The following BTG4 variants were observed in gnomAD, a reference collection of about 807,000 sequenced individuals.
BTG4 encodes BTG anti-proliferation factor 4, also known as protein BTG4.
BTG4 carries 10 observed loss-of-function variants against 19.3 expected under a neutral mutation model. That is an observed-to-expected ratio of 0.52 (90% CI 0.32 to 0.88). The LOEUF (loss-of-function observed/expected upper bound fraction) is 0.88. Among genes scored for constraint, BTG4 ranks in the 40% least tolerant of loss-of-function variants. The pLI is 0.04. For missense variants in BTG4, 238 were observed against 281.9 expected, an observed-to-expected ratio of 0.84 and a Z score of 1.11; for synonymous variants, 91 against 95.7, an observed-to-expected ratio of 0.95 and a Z score of 0.29.
chr11:111,393,051 T>C, the BTG4 span, among the ~76,000 whole-genome samples: 10 of 152,118 alleles, frequency 6.6e-5, no homozygotes, highest in African/African-American at 2.4e-4. Flanking sequence ...GATGACAGAT[T>C]ATACCATATC....
At chr11:111,392,104 C>A in the BTG4 span, among the ~76,000 whole-genome samples, 2 of 151,074 alleles carry the variant, frequency 1.3e-5, no homozygotes, top group African/African-American at 2.4e-5. Context: ...CTATGGTTAC[C>A]TAGCTAGGCA....
chr11:111,458,486 C>T, the BTG4 span, among the ~76,000 whole-genome samples: 1 of 152,280 alleles, frequency 6.6e-6, no homozygotes, highest in African/African-American at 2.4e-5. Flanking sequence ...CTTGTTACTT[C>T]ATGGCTCATG....
chr11:111,504,363 A>G (rs1005446486), intron 1 of BTG4, among the ~76,000 whole-genome samples: 3 of 152,120 alleles, frequency 2.0e-5, no homozygotes, highest in African/African-American at 7.2e-5. Context: ...CAGCCATACA[A>G]TGTTGATTTG....
At chr11:111,399,686 T>C in the BTG4 span, among the ~76,000 whole-genome samples, 10 of 152,314 alleles carry the variant, frequency 6.6e-5, no homozygotes, top group East Asian at 7.7e-4. Context: ...ATTGATCTCC[T>C]TGTTCCCGGG....
the BTG4 span, among the ~76,000 whole-genome samples, chr11:111,412,289 A>T: frequency 6.6e-6 from 1 of 152,210 alleles, no homozygotes; most frequent in Non-Finnish European, 1.5e-5. Flanking sequence ...GACAAATTCT[A>T]TTTCATTTCA....
chr11:111,479,145 A>G (rs1476280514), intron 5 of BTG4, among the ~76,000 whole-genome samples: 2 of 152,136 alleles, frequency 1.3e-5, no homozygotes, highest in Admixed American at 1.3e-4. Context: ...CCACTAGAGG[A>G]AAAACAACTG....
upstream of BTG4, chr11:111,514,660 C>T: frequency 1.4e-6 from 1 of 734,430 alleles, no homozygotes; most frequent in Non-Finnish European, 2.2e-6. Flanking sequence ...CGGATCCCAA[C>T]ACCTACCTAG....
chr11:111,469,396 C>T (rs180774312), intron 5 of BTG4: 7 of 152,352 alleles, frequency 4.6e-5, no homozygotes, highest in Non-Finnish European at 7.3e-5. Flanking sequence ...GTGACTCAGA[C>T]CCCGTTCCCC....
At chr11:111,435,296 G>A in the BTG4 span, among the ~76,000 whole-genome samples, 1 of 152,162 alleles carries the variant, frequency 6.6e-6, no homozygotes, top group African/African-American at 2.4e-5. Flanking sequence ...CCTGGATATG[G>A]AAAGCACTCG....
chr11:111,483,927 CAATAAT>C (rs1426312693), intron 5 of BTG4, among the ~76,000 whole-genome samples: 3 of 151,896 alleles, frequency 2.0e-5, no homozygotes, highest in Non-Finnish European at 4.4e-5. Flanking sequence ...TCAAGGTATA[CAATAAT>C]GAAACCCTTA....
intron 5 of BTG4, among the ~76,000 whole-genome samples, chr11:111,481,859 T>C (rs1206201623): frequency 6.6e-6 from 1 of 151,820 alleles, no homozygotes; most frequent in African/African-American, 2.4e-5. Flanking sequence ...ATCTACAAAA[T>C]TGATGAGTAT....
chr11:111,513,346 C>G, upstream of BTG4: 1 of 523,926 alleles, frequency 1.9e-6, no homozygotes. Context: ...ATTCACCAAG[C>G]TAGCAACTCA....
the BTG4 span, among the ~76,000 whole-genome samples, chr11:111,452,842 C>T: frequency 1.3e-5 from 2 of 152,084 alleles, no homozygotes; most frequent in South Asian, 2.1e-4. Context: ...GACAGACTTT[C>T]CGGAAGAGTT....
At chr11:111,502,100 A>G (rs1157707114) in intron 1 of BTG4, among the ~76,000 whole-genome samples, 4 of 152,062 alleles carry the variant, frequency 2.6e-5, no homozygotes, top group African/African-American at 7.3e-5. Context: ...AGATCTTTTA[A>G]AAATACCAAT....
At chr11:111,409,318 G>A in the BTG4 span, among the ~76,000 whole-genome samples, 1 of 152,152 alleles carries the variant, frequency 6.6e-6, no homozygotes, top group Non-Finnish European at 1.5e-5. Context: ...TTGAAGGCAG[G>A]GCCTAATAGG....
At chr11:111,405,718 C>T in the BTG4 span, among the ~76,000 whole-genome samples, 3 of 152,154 alleles carry the variant, frequency 2.0e-5, no homozygotes, top group African/African-American at 4.8e-5. Context: ...GGAAGTATAG[C>T]GTGGCAGTTA....
chr11:111,437,166 A>G, the BTG4 span, among the ~76,000 whole-genome samples: 2 of 151,756 alleles, frequency 1.3e-5, no homozygotes, highest in Non-Finnish European at 2.9e-5. Flanking sequence ...CTCCTCTGAC[A>G]GGGCACAGGA....
the BTG4 span, among the ~76,000 whole-genome samples, chr11:111,427,344 G>A: frequency 6.6e-6 from 1 of 152,118 alleles, no homozygotes; most frequent in African/African-American, 2.4e-5. Flanking sequence ...AGAGAGAGGG[G>A]CCCATGGCGG....
chr11:111,513,499 G>A (rs1295199361), upstream of BTG4: 2 of 531,138 alleles, frequency 3.8e-6, no homozygotes, highest in South Asian at 2.8e-5. Flanking sequence ...CTAACCACAC[G>A]GCCAGGTAAA....
Sources: gnomAD v4.1 joint callset for allele counts (sites outside exome capture counted in the v4.1 genomes callset) on GRCh38, gnomAD v4.1.1 for gene constraint, MANE v1.5 for transcripts, NCBI Gene and HGNC (gene_info 2026-07-23, HGNC 2026-07-21) for gene names.